ITPR2: variants seen among roughly 807,000 people sequenced by gnomAD.
ITPR2 encodes the protein inositol 1,4,5-trisphosphate-gated calcium channel ITPR2.
In ITPR2, 207 loss-of-function variants were observed where a neutral mutation model predicts 317.1. The observed-to-expected ratio is 0.65, with a 90% confidence interval of 0.58 to 0.73. The LOEUF is 0.73. Ranked by LOEUF, ITPR2 falls within the 30% of genes least tolerant of loss-of-function variation. The pLI is 0.00. For missense variants in ITPR2, 2,613 were observed against 3,284.0 expected (o/e 0.80, Z 4.99); for synonymous variants, 1,156 against 1,149.1 (o/e 1.01, Z -0.12).
chr12:26,475,511 G>C, intron 44 of ITPR2, 93 bp from the exon 45 acceptor site: 2 of 1,359,966 alleles, frequency 1.5e-6, no homozygotes, highest in East Asian at 4.8e-5. Flanking sequence ...AGCTTCATAA[G>C]CCTCAAAAGT....
intron 5 of ITPR2, among the ~76,000 whole-genome samples, chr12:26,717,815 C>T (rs888271681): frequency 6.6e-6 from 1 of 152,122 alleles, no homozygotes; most frequent in African/African-American, 2.4e-5. Flanking sequence ...ATCTTTGAAC[C>T]ATGAATTGGT....
intron 40 of ITPR2, 62 bp from the exon 41 acceptor site, chr12:26,486,422 A>AG: frequency 7.3e-7 from 1 of 1,371,796 alleles, no homozygotes; most frequent in Non-Finnish European, 9.9e-7. Flanking sequence ...TTAAAAAAAA[A>AG]AAAACAAACC....
chr12:26,678,489 T>C (rs1247228130), intron 13 of ITPR2, among the ~76,000 whole-genome samples: 1 of 151,904 alleles, frequency 6.6e-6, no homozygotes, highest in Non-Finnish European at 1.5e-5. Flanking sequence ...TCATTTTCCA[T>C]AGGGGGAAAA....
chr12:26,597,025 G>A lies in ITPR2; in HGVS notation c.4112C>T (p.Pro1371Leu). Residue 1371 changes from proline to leucine, a missense_variant, in exon 31 of 57, where the codon CCC becomes CTC. Around this residue, in one of 9 missense-constraint regions of ITPR2, gnomAD observed 817 missense variants for 897.6 expected, o/e 0.91. Coordinates refer to ENST00000381340, the MANE Select transcript of ITPR2 (RefSeq NM_002223.4). ...SERDRGDESG[P>L]LAYHITLVEL... ...CACCAGGGTGATGTGGTAGGCTAAG[G>A]GGCCACTCTCATCCCCTCGGTCTCT... The A allele has an allele frequency of 1.9e-6, 3 of 1,613,972 alleles. No individual in the cohort carries two copies. The highest frequency in any genetic ancestry group is 1.3e-5 in the African/African-American group (1 of 74,998).
At chr12:26,594,119 G>C (rs1196176096) in intron 32 of ITPR2, among the ~76,000 whole-genome samples, 1 of 152,164 alleles carries the variant, frequency 6.6e-6, no homozygotes, top group Non-Finnish European at 1.5e-5. Context: ...ACACATATGA[G>C]TACTATGTTA....
intron 34 of ITPR2, among the ~76,000 whole-genome samples, chr12:26,578,261 T>A (rs76201882): frequency 6.6e-6 from 1 of 151,822 alleles, no homozygotes; most frequent in African/African-American, 2.4e-5. Flanking sequence ...TCACCTTCCT[T>A]TAGCTGTAAT....
chr12:26,595,916 C>T (rs1312133811), intron 31 of ITPR2, among the ~76,000 whole-genome samples: 2 of 152,068 alleles, frequency 1.3e-5, no homozygotes, highest in Non-Finnish European at 2.9e-5. Context: ...TTCTTCTTCC[C>T]CTCTCCTTCC....
intron 13 of ITPR2, among the ~76,000 whole-genome samples, chr12:26,679,781 A>G (rs1454802781): frequency 6.6e-6 from 1 of 151,994 alleles, no homozygotes; most frequent in African/African-American, 2.4e-5. Flanking sequence ...TAGTTATCAC[A>G]TATTAACTTA....
rs76794859 is a variant in ITPR2, at chr12:26,516,498, G to T, written c.5074-21238C>A. Among the ~76,000 whole-genome samples the T allele has an allele frequency of 9.2e-3, 1,395 of 152,088 alleles. 21 individuals carry two copies. Among genetic ancestry groups the T allele is most frequent in the African/African-American group, 0.032 (1,338 of 41,502 alleles). ...AAAGACTTCCCATAAATTACTGGTT[G>T]TATCAACTGAAAGAATATATATAAG... On this transcript the variant is annotated intron_variant, in intron 37 of 56. Coordinates refer to ENST00000381340, the MANE Select transcript of ITPR2 (RefSeq NM_002223.4).
Position 26,575,035 on chromosome 12 carries a change from C to G in ITPR2, c.4630+3678G>C, listed in dbSNP as rs143030680. 2.4e-3 allele frequency among the ~76,000 whole-genome samples: 366 copies of G among 151,022 alleles called. 2 individuals carry two copies. Among genetic ancestry groups the G allele is most frequent in the African/African-American group, 8.2e-3 (338 of 41,042 alleles). ...TATCACAGACACTAAGAAAGGCATA[C>G]GTGGACGAATGGGGTGAGTTCAGAT... On this transcript the variant is annotated intron_variant, in intron 34 of 56. Transcript: ENST00000381340.
chr12:26,669,730 C>T (rs559385823), intron 13 of ITPR2, among the ~76,000 whole-genome samples: 15 of 152,354 alleles, frequency 9.8e-5, no homozygotes, highest in South Asian at 2.1e-4. Flanking sequence ...ATGCGCGAGC[C>T]GAAGCAGTGC....
In ITPR2 at chr12:26,793,480, G is replaced by A. The variant is rs968136662; in HGVS notation, c.93-3253C>T. On this transcript the variant is annotated intron_variant, in intron 1 of 56. Transcript: ENST00000381340. The stretch of plus-strand genomic sequence containing the variant: ...CTAACCCTCTTTAAATTGAGTAGGA[G>A]GATCTGCTCTGCACTCCCACAATAC... Among the ~76,000 whole-genome samples the A allele has an allele frequency of 2.6e-5, 4 of 152,122 alleles. No homozygotes were observed. In the East Asian group the frequency reaches 7.7e-4, roughly 29 times the overall value.
At chr12:26,371,809 A>G (rs1939197971) in intron 55 of ITPR2, among the ~76,000 whole-genome samples, 1 of 152,120 alleles carries the variant, frequency 6.6e-6, no homozygotes, top group Non-Finnish European at 1.5e-5. Flanking sequence ...AGTTCCTTCT[A>G]TCACATTTTT....
At chr12:26,802,546 G>GAT (rs1434956449) in intron 1 of ITPR2, among the ~76,000 whole-genome samples, 1 of 136,704 alleles carries the variant, frequency 7.3e-6, no homozygotes, top group Non-Finnish European at 1.6e-5. Flanking sequence ...CTGCAGAGGA[G>GAT]ATATATATAT....
chr12:26,364,490 T>A (rs528745616), intron 55 of ITPR2, among the ~76,000 whole-genome samples: 1 of 152,230 alleles, frequency 6.6e-6, no homozygotes. Flanking sequence ...AGCTGGTAAG[T>A]GGGAAAGCCA....
At chr12:26,708,406 T>C (rs2137016843) in intron 9 of ITPR2, among the ~76,000 whole-genome samples, 1 of 152,316 alleles carries the variant, frequency 6.6e-6, no homozygotes, top group Non-Finnish European at 1.5e-5. Context: ...CAGTGGAATA[T>C]TATTCAGCCA....
intron 5 of ITPR2, 88 bp downstream of exon 5, chr12:26,722,309 C>T (rs746910661): frequency 7.0e-5 from 84 of 1,202,494 alleles, no homozygotes; most frequent in Non-Finnish European, 9.3e-5. Context: ...ACTATATTTT[C>T]TTTTTTGTAC....
chr12:26,665,622 T>C (rs1000068460), intron 14 of ITPR2, among the ~76,000 whole-genome samples: 2 of 152,168 alleles, frequency 1.3e-5, no homozygotes, highest in Admixed American at 6.5e-5. Flanking sequence ...GAGATGCCTA[T>C]GTGAGAGGGC....
intron 2 of ITPR2, among the ~76,000 whole-genome samples, chr12:26,786,245 T>C (rs1353054790): frequency 2.7e-5 from 2 of 74,108 alleles, no homozygotes; most frequent in African/African-American, 4.1e-5. Flanking sequence ...AAACAGATGC[T>C]TGAAGGCAGC....
Sources: allele counts gnomAD v4.1 joint callset (sites outside exome capture counted in the v4.1 genomes callset), GRCh38; gene constraint gnomAD v4.1.1; regional missense constraint gnomAD v4.1.1; transcripts MANE v1.5; gene names NCBI Gene and HGNC (gene_info 2026-07-23, HGNC 2026-07-21).